MICAL3: variants seen among roughly 807,000 people sequenced by gnomAD.
MICAL3 encodes microtubule associated monooxygenase, calponin and LIM domain containing 3, also known as [F-actin]-monooxygenase MICAL3.
MICAL3 carries 62 observed loss-of-function variants against 207.4 expected under a neutral mutation model. The observed-to-expected ratio is 0.30, with a 90% confidence interval of 0.24 to 0.37. The LOEUF (loss-of-function observed/expected upper bound fraction) is 0.37, where lower values mean the gene tolerates loss of function less well. Among genes scored for constraint, MICAL3 ranks in the 10% least tolerant of loss-of-function variants. The pLI, the probability that MICAL3 is intolerant of heterozygous loss-of-function variation, is 1.00. For missense variants in MICAL3, 2,368 were observed against 2,635.6 expected (o/e 0.90, Z 2.22); for synonymous variants, 1,077 against 1,069.3 (o/e 1.01, Z -0.14).
chr22:18,014,561 G>C (rs1923935678), intron 1 of MICAL3, among the ~76,000 whole-genome samples: 1 of 152,128 alleles, frequency 6.6e-6, no homozygotes, highest in African/African-American at 2.4e-5. Flanking sequence ...CCAGAGCTCT[G>C]TTCATTACAT....
intron 19 of MICAL3, among the ~76,000 whole-genome samples, chr22:17,855,574 G>A (rs1201208678): frequency 6.6e-6 from 1 of 152,214 alleles, no homozygotes; most frequent in African/African-American, 2.4e-5. Flanking sequence ...AAAACCTCAG[G>A]CTGGATTCGA....
chr22:17,856,510 C>T (rs902826461), intron 19 of MICAL3, among the ~76,000 whole-genome samples: 4 of 152,014 alleles, frequency 2.6e-5, no homozygotes, highest in Non-Finnish European at 4.4e-5. Flanking sequence ...GTGCCTCTAC[C>T]AACGCCAATG....
chr22:17,951,111 T>G (rs893346094), intron 1 of MICAL3, among the ~76,000 whole-genome samples: 1 of 152,186 alleles, frequency 6.6e-6, no homozygotes, highest in Admixed American at 6.5e-5. Flanking sequence ...CTTCCTCCAC[T>G]GTCTCAAAGT....
intron 20 of MICAL3, 61 bp from the exon 21 acceptor site, chr22:17,832,168 G>C: frequency 2.0e-6 from 3 of 1,531,964 alleles, no homozygotes; most frequent in Non-Finnish European, 2.6e-6. Context: ...GAAGGGGAAG[G>C]GGAAGGGCCA....
intron 17 of MICAL3, among the ~76,000 whole-genome samples, chr22:17,866,754 G>C (rs1927202561): frequency 6.6e-6 from 1 of 152,172 alleles, no homozygotes; most frequent in African/African-American, 2.4e-5. Context: ...GCTGTGTCTG[G>C]GTCTCAATGT....
chr22:17,821,947 G>A (rs1921696755), intron 24 of MICAL3, 83 bp downstream of exon 24: 9 of 1,536,300 alleles, frequency 5.9e-6, no homozygotes, highest in South Asian at 1.2e-5. Flanking sequence ...GCTCTGAAGC[G>A]CCTGGCCCCT....
At chr22:17,982,445 G>A (rs113259309) in intron 1 of MICAL3, among the ~76,000 whole-genome samples, 6 of 152,300 alleles carry the variant, frequency 3.9e-5, no homozygotes, top group African/African-American at 1.2e-4. Context: ...GGGAGAGGTG[G>A]GTGGATCACG....
At chr22:17,876,131 A>G (rs1297469414) in intron 16 of MICAL3, among the ~76,000 whole-genome samples, 1 of 152,136 alleles carries the variant, frequency 6.6e-6, no homozygotes, top group Non-Finnish European at 1.5e-5. Flanking sequence ...CCAAGCAAAG[A>G]TGAGGAGAAA....
At position 17,900,771 on chromosome 22, in the gene MICAL3, A is replaced by G. The variant is rs1199833351; in HGVS notation, c.847+71T>C. On this transcript the variant is annotated intron_variant, in intron 6 of 31. Transcript: ENST00000441493. The surrounding 1 kb of genome is among the most constrained non-coding windows in gnomAD (Gnocchi z 4.0). Reference sequence around the variant, plus strand: ...ACACCGACGGCCACTCACCCCACCAATCCCCCAAGAAAAAGCCACCAGGGA... The same window carrying G: ...ACACCGACGGCCACTCACCCCACCAGTCCCCCAAGAAAAAGCCACCAGGGA... 2.8e-6 allele frequency: 4 copies of G among 1,435,556 alleles called. No individual in the cohort carries two copies. Among genetic ancestry groups the G allele is most frequent in the Admixed American group, 3.6e-5 (2 of 56,050 alleles). 88.9% of individuals were successfully genotyped at this position (1,435,556 alleles called of 1,614,324 possible).
chr22:17,804,063 CATACTGCGTGG>C (rs2061966054), intron 29 of MICAL3, among the ~76,000 whole-genome samples: 1 of 152,192 alleles, frequency 6.6e-6, no homozygotes. Flanking sequence ...GCCGTATCTG[CATACTGCGTGG>C]CTGCGGGAGG....
intron 16 of MICAL3, among the ~76,000 whole-genome samples, chr22:17,877,475 T>TAGGGAGGTTATGGAGGTG (rs1928891465): frequency 2.4e-5 from 2 of 84,424 alleles, no homozygotes; most frequent in Non-Finnish European, 2.4e-5. Flanking sequence ...TTATGGAGGT[T>TAGGGAGGTTATGGAGGTG]AGGGAGGTTA....
At chr22:17,947,379 T>C (rs2146349921) in intron 1 of MICAL3, among the ~76,000 whole-genome samples, 1 of 152,316 alleles carries the variant, frequency 6.6e-6, no homozygotes, top group Non-Finnish European at 1.5e-5. Flanking sequence ...GACCTCGGTG[T>C]CTGCCTTGCT....
rs989325408 is a variant in MICAL3 at position 18,024,475 on chromosome 22, G to T, written c.-269C>A. 2.0e-5 allele frequency: 3 copies of T among 152,040 alleles called. No individual in the cohort carries two copies. The highest frequency in any genetic ancestry group is 4.4e-5 in the Non-Finnish European group (3 of 67,978). The allele number at this position is 152,040 out of a possible 1,614,324, so 9.4% of individuals were successfully genotyped here. A position where few individuals can be genotyped will look rare whatever the true frequency, so the allele number is the denominator to read the frequency against. On this transcript the variant is annotated 5_prime_UTR_variant, in exon 1 of 32. Transcript: ENST00000441493. ...GGGCCCAGGGGTTCTCAGGCCGCGC[G>T]GCGAGGACGGAGGGCTGCCCCGGGT...
At chr22:17,906,461 A>T in intron 2 of MICAL3, 88 bp downstream of exon 2, 1 of 1,607,078 alleles carries the variant, frequency 6.2e-7, no homozygotes, top group African/African-American at 1.3e-5. Flanking sequence ...TGTAGATCAT[A>T]TATGGTGAAT....
At chr22:17,822,236 G>C (rs1238566933) in intron 23 of MICAL3, 66 bp from the exon 24 acceptor site, 5 of 1,545,352 alleles carry the variant, frequency 3.2e-6, no homozygotes, top group Non-Finnish European at 4.4e-6. Flanking sequence ...TTCCACCTGA[G>C]AGCAGCCGCG....
At chr22:17,820,037 CAGG>C (rs902015875) in intron 25 of MICAL3, among the ~76,000 whole-genome samples, 13 of 148,344 alleles carry the variant, frequency 8.8e-5, no homozygotes, top group African/African-American at 3.2e-4. Context: ...GAGGCTGAGG[CAGG>C]AGGATTGCTT....
intron 29 of MICAL3, among the ~76,000 whole-genome samples, chr22:17,802,748 G>A (rs531144077): frequency 2.0e-5 from 3 of 152,258 alleles, no homozygotes; most frequent in Admixed American, 2.0e-4. Flanking sequence ...TAAAACACGA[G>A]ACAATTATCT....
rs779978023 is a variant in MICAL3, at chr22:17,899,529, G to A, written c.867C>T (p.Ile289=). The change falls in exon 7 of 32, where the codon ATC becomes ATT. Residue 289 remains isoleucine, a synonymous_variant. Transcript: ENST00000441493. ...REATGIDLEN[I]VYYKDDTHYF... is the part of the protein sequence containing the mutation. ...AGTGTGTGTCATCTTTGTAGTAAAC[G>A]ATGTTCTCCAAGTCAATACCTGGGG... 4 of 1,603,576 alleles carry A rather than the reference G, an allele frequency of 2.5e-6. No individual in the cohort carries two copies. Among genetic ancestry groups the A allele is most frequent in the South Asian group, 1.1e-5 (1 of 89,146 alleles).
intron 1 of MICAL3, among the ~76,000 whole-genome samples, chr22:17,937,985 C>T (rs986781166): frequency 2.0e-5 from 3 of 152,208 alleles, no homozygotes; most frequent in Non-Finnish European, 2.9e-5. Flanking sequence ...ACAAACATCC[C>T]TTTCTTGCAA....
Sources: gnomAD v4.1 joint callset for allele counts (sites outside exome capture counted in the v4.1 genomes callset) on GRCh38, gnomAD v4.1.1 for gene constraint, Gnocchi (gnomAD v3.1) non-coding constraint, MANE v1.5 for transcripts, NCBI Gene and HGNC (gene_info 2026-07-23, HGNC 2026-07-21) for gene names.